The following PLCL2 variants were observed in gnomAD, a reference collection of about 807,000 sequenced individuals.
PLCL2 encodes inactive phospholipase C-like protein 2.
A neutral mutation model predicts 79.6 loss-of-function variants in PLCL2; 4 were observed. The ratio of observed to expected loss-of-function variants is 0.05; its 90% confidence interval spans 0.02 to 0.11. The LOEUF (loss-of-function observed/expected upper bound fraction) is 0.11. Ranked by LOEUF, PLCL2 falls within the 10% of genes least tolerant of loss-of-function variation. PLCL2 has a pLI of 1.00. For synonymous variants in PLCL2, 484 were observed against 457.7 expected, an observed-to-expected ratio of 1.06 and a Z score of -0.73; for missense variants, 895 against 1,291.0, an observed-to-expected ratio of 0.69 and a Z score of 4.70.
intron 3 of PLCL2, among the ~76,000 whole-genome samples, chr3:17,027,612 T>C (rs965793278): frequency 6.6e-6 from 1 of 152,230 alleles, no homozygotes; most frequent in East Asian, 1.9e-4. Context: ...ACCTAAATTA[T>C]GACTTTCTCT....
At chr3:17,037,111 T>A (rs980645330) in intron 3 of PLCL2, among the ~76,000 whole-genome samples, 8 of 152,338 alleles carry the variant, frequency 5.3e-5, no homozygotes, top group African/African-American at 1.7e-4. Flanking sequence ...ATTGAATTAG[T>A]TCCTATTTTC....
intron 1 of PLCL2, among the ~76,000 whole-genome samples, chr3:16,987,942 A>G (rs867194986): frequency 1.2e-4 from 19 of 152,202 alleles, no homozygotes; most frequent in African/African-American, 4.1e-4. Flanking sequence ...CAAATAAATG[A>G]AGCTATTAGC....
intron 1 of PLCL2, among the ~76,000 whole-genome samples, chr3:16,987,733 T>A (rs983520969): frequency 6.6e-6 from 1 of 152,154 alleles, no homozygotes; most frequent in Admixed American, 6.5e-5. Flanking sequence ...TAAAAAGTAA[T>A]GTGATATAAA....
chr3:16,898,944 T>C (rs1358528479), intron 1 of PLCL2, among the ~76,000 whole-genome samples: 1 of 150,910 alleles, frequency 6.6e-6, no homozygotes, highest in Non-Finnish European at 1.5e-5. Flanking sequence ...GGGAGGGGGT[T>C]GCGGGGACCC....
At chr3:16,890,306 G>A (rs1038235193) in intron 1 of PLCL2, among the ~76,000 whole-genome samples, 1 of 152,100 alleles carries the variant, frequency 6.6e-6, no homozygotes, top group African/African-American at 2.4e-5. Context: ...ACAGGAAATT[G>A]TTTATTTTAT....
intron 1 of PLCL2, among the ~76,000 whole-genome samples, chr3:16,994,944 C>G (rs1218941064): frequency 6.6e-6 from 1 of 152,214 alleles, no homozygotes; most frequent in African/African-American, 2.4e-5. Flanking sequence ...GAGGCAAGAG[C>G]TGAGATTGGA....
chr3:16,900,487 T>C (rs1696592434), intron 1 of PLCL2, among the ~76,000 whole-genome samples: 1 of 152,206 alleles, frequency 6.6e-6, no homozygotes, highest in Non-Finnish European at 1.5e-5. Flanking sequence ...TATATTGAAA[T>C]AAAGCTATAT....
chr3:17,087,779 T>G (rs980691361), intron 5 of PLCL2, among the ~76,000 whole-genome samples: 6 of 152,226 alleles, frequency 3.9e-5, no homozygotes, highest in African/African-American at 1.4e-4. Context: ...GTTTCTGCTC[T>G]GTTTTGCTGT....
rs1357147420 is a variant in PLCL2 at position 17,030,793 on chromosome 3, G to A, written c.3019-12081G>A. ...CAATTGCTTTCCTCTTTCAACGAACGTCTATACTTAGTTATCACAGACTTG... is the reference window on the plus strand; with the variant it reads ...CAATTGCTTTCCTCTTTCAACGAACATCTATACTTAGTTATCACAGACTTG... On this transcript the variant is annotated intron_variant, in intron 3 of 5. Coordinates refer to ENST00000615277, the MANE Select transcript of PLCL2 (RefSeq NM_001144382.2). Among the ~76,000 whole-genome samples, 7 of 152,132 alleles carry A rather than the reference G, an allele frequency of 4.6e-5. No homozygotes were observed. In the East Asian group the frequency reaches 1.2e-3, roughly 25 times the overall value.
intron 3 of PLCL2, among the ~76,000 whole-genome samples, chr3:17,021,526 T>C (rs2064452739): frequency 1.3e-5 from 2 of 152,132 alleles, no homozygotes; most frequent in East Asian, 1.9e-4. Flanking sequence ...ATTTTCCTTC[T>C]GATCCAGTTT....
chr3:16,922,823 A>G (rs1697154253), intron 1 of PLCL2, among the ~76,000 whole-genome samples: 1 of 152,090 alleles, frequency 6.6e-6, no homozygotes, highest in Non-Finnish European at 1.5e-5. Context: ...TTAATAAAAG[A>G]CAACCCTTCC....
intron 4 of PLCL2, among the ~76,000 whole-genome samples, chr3:17,050,091 G>A (rs547125726): frequency 6.6e-6 from 1 of 152,254 alleles, no homozygotes; most frequent in Admixed American, 6.5e-5. Context: ...AAAACACAGT[G>A]TCTTCAGTAA....
intron 5 of PLCL2, among the ~76,000 whole-genome samples, chr3:17,076,926 T>C (rs933477463): frequency 1.2e-4 from 19 of 152,238 alleles, no homozygotes; most frequent in African/African-American, 4.6e-4. Flanking sequence ...TTTTTTAATT[T>C]CAAATTTGTC....
In PLCL2 at chr3:17,067,949, C is replaced by G. The variant is rs2065026344; in HGVS notation, c.3095-7C>G. 6.5e-7 allele frequency: 1 copy of G among 1,546,644 alleles called. No individual in the cohort carries two copies. The highest frequency in any genetic ancestry group is 8.9e-7 in the Non-Finnish European group (1 of 1,126,790). On this transcript the variant is annotated splice_polypyrimidine_tract_variant and splice_region_variant and intron_variant, in intron 4 of 5. Coordinates refer to ENST00000615277, the MANE Select transcript of PLCL2 (RefSeq NM_001144382.2). ...TTAATATACTTTGTCTTTTTTATTT[C>G]TTTCAGCCATGGAATTCCATGAACA...
chr3:17,006,985 T>C (rs1053126290), intron 1 of PLCL2, among the ~76,000 whole-genome samples: 1 of 152,218 alleles, frequency 6.6e-6, no homozygotes, highest in African/African-American at 2.4e-5. Context: ...AATAAAAGAT[T>C]ACAATGTTGG....
intron 1 of PLCL2, among the ~76,000 whole-genome samples, chr3:16,958,006 T>C (rs1471841515): frequency 2.0e-5 from 3 of 152,224 alleles, no homozygotes; most frequent in East Asian, 1.9e-4. Context: ...TGTCTTTTAA[T>C]TGGAGCATGC....
intron 1 of PLCL2, among the ~76,000 whole-genome samples, chr3:16,969,726 G>T (rs6781611): frequency 6.6e-6 from 1 of 151,622 alleles, no homozygotes; most frequent in Non-Finnish European, 1.5e-5. Context: ...TATGTTTTTC[G>T]TGTCTCATTT....
intron 5 of PLCL2, among the ~76,000 whole-genome samples, chr3:17,081,742 G>C (rs1279476379): frequency 2.0e-5 from 3 of 152,148 alleles, no homozygotes; most frequent in South Asian, 2.1e-4. Flanking sequence ...CCAATCCCAG[G>C]TAAGCCACAG....
chr3:17,004,644 T>A (rs182921687), intron 1 of PLCL2, among the ~76,000 whole-genome samples: 1 of 152,170 alleles, frequency 6.6e-6, no homozygotes, highest in African/African-American at 2.4e-5. Flanking sequence ...TTTAAAGATG[T>A]GTGAAAAACT....
Sources: gnomAD v4.1 joint callset for allele counts (sites outside exome capture counted in the v4.1 genomes callset) on GRCh38, gnomAD v4.1.1 for gene constraint, MANE v1.5 for transcripts, NCBI Gene and HGNC (gene_info 2026-07-23, HGNC 2026-07-21) for gene names.